Variants in SLC22A3 observed in about 807,000 individuals in gnomAD.
The protein encoded by SLC22A3 is solute carrier family 22 member 3, also known as EMT organic cation transporter 3.
A neutral mutation model predicts 59.1 loss-of-function variants in SLC22A3; 51 were observed. The observed-to-expected ratio is 0.86, with a 90% CI of 0.69 to 1.09. The LOEUF is 1.09. SLC22A3 is among the 50% of genes least tolerant of loss of function. The probability of loss-of-function intolerance (pLI) is 0.00; values close to 1 mark genes in which losing one functional copy is unlikely to be tolerated. For synonymous variants in SLC22A3, 325 were observed against 292.0 expected (o/e 1.11, Z -1.15); for missense variants, 711 against 726.3 (o/e 0.98, Z 0.24).
intron 1 of SLC22A3, among the ~76,000 whole-genome samples, chr6:160,355,704 G>A (rs760718542): frequency 2.0e-5 from 3 of 152,216 alleles, no homozygotes; most frequent in South Asian, 4.1e-4. Flanking sequence ...CCCGGGAGGC[G>A]GAGCTTGCAG....
At chr6:160,378,022 G>A (rs1406495520) in intron 1 of SLC22A3, among the ~76,000 whole-genome samples, 1 of 152,106 alleles carries the variant, frequency 6.6e-6, no homozygotes, top group African/African-American at 2.4e-5. Context: ...CCTGGTGTTT[G>A]TATTTAACAC....
intron 5 of SLC22A3, among the ~76,000 whole-genome samples, chr6:160,417,429 C>T (rs1261034307): frequency 6.6e-6 from 1 of 152,168 alleles, no homozygotes; most frequent in African/African-American, 2.4e-5. Flanking sequence ...AATGTGTCTG[C>T]ATGTACTACA....
At position 160,451,105 on chromosome 6, in the gene SLC22A3, C is replaced by T. The variant is rs1329428110; in HGVS notation, c.*49C>T. 1 of 1,543,792 alleles carries T rather than the reference C, an allele frequency of 6.5e-7. No homozygotes were observed. The highest frequency in any genetic ancestry group is 1.2e-5 in the South Asian group (1 of 84,564). On this transcript the variant is annotated 3_prime_UTR_variant, in exon 11 of 11. Coordinates refer to ENST00000275300, the MANE Select transcript of SLC22A3 (RefSeq NM_021977.4). ...AGGAGCTATCCAGGAGCTGATCCTC[C>T]TTGCAAAGCTGTGCCTTGCAGAGAT...
intron 1 of SLC22A3, among the ~76,000 whole-genome samples, chr6:160,380,931 C>T (rs1308696652): frequency 2.0e-5 from 3 of 152,192 alleles, no homozygotes; most frequent in African/African-American, 7.2e-5. Context: ...AACCAGATAT[C>T]TGCTAAGGCT....
At chr6:160,416,254 A>T (rs1390814815) in intron 5 of SLC22A3, among the ~76,000 whole-genome samples, 2 of 152,174 alleles carry the variant, frequency 1.3e-5, no homozygotes, top group Non-Finnish European at 2.9e-5. Flanking sequence ...TTGTTCACTA[A>T]ATGGAAAAAT....
intron 1 of SLC22A3, among the ~76,000 whole-genome samples, chr6:160,381,859 A>G (rs1329419295): frequency 1.3e-5 from 2 of 152,160 alleles, no homozygotes; most frequent in Non-Finnish European, 2.9e-5. Context: ...TGACAATAAC[A>G]CTTCATTTAG....
At chr6:160,357,470 C>T (rs568080066) in intron 1 of SLC22A3, among the ~76,000 whole-genome samples, 55 of 152,236 alleles carry the variant, frequency 3.6e-4, no homozygotes, top group African/African-American at 1.1e-3. Flanking sequence ...TGGGGAGGGA[C>T]GCCGTAAGCT....
At chr6:160,354,414 AC>A (rs1347055068) in intron 1 of SLC22A3, among the ~76,000 whole-genome samples, 1 of 152,038 alleles carries the variant, frequency 6.6e-6, no homozygotes, top group African/African-American at 2.4e-5. Flanking sequence ...ACACATAAAG[AC>A]CCTTAAGCCA....
chr6:160,437,195 T>C lies in SLC22A3; in HGVS notation c.1272T>C (p.Thr424=). The change falls in exon 7 of 11, where the codon ACT becomes ACC. Residue 424 remains threonine, a synonymous_variant. Transcript: ENST00000275300. ...TGGCAGGGGTGGCATGCCTTGTCAC[T>C]GCGTTCTTACCAGAAGGTAATCTTA... ...NIVAGVACLV[T]AFLPEGIAWL... 1 of 1,614,120 alleles carries C rather than the reference T, an allele frequency of 6.2e-7. No homozygotes were observed. The highest frequency in any genetic ancestry group is 8.5e-7 in the Non-Finnish European group (1 of 1,179,970).
intron 1 of SLC22A3, among the ~76,000 whole-genome samples, chr6:160,384,562 G>A (rs1401670102): frequency 6.6e-6 from 1 of 152,146 alleles, no homozygotes; most frequent in African/African-American, 2.4e-5. Flanking sequence ...GTGTTTCTAA[G>A]CCAGGGGAGC....
chr6:160,401,087 T>C (rs1786763730), intron 2 of SLC22A3, among the ~76,000 whole-genome samples: 1 of 145,550 alleles, frequency 6.9e-6, no homozygotes, highest in South Asian at 2.2e-4. Flanking sequence ...AGATATAATA[T>C]ATGTGTAATA....
chr6:160,372,857 A>G (rs1470637982), intron 1 of SLC22A3, among the ~76,000 whole-genome samples: 2 of 152,062 alleles, frequency 1.3e-5, no homozygotes, highest in Non-Finnish European at 1.5e-5. Flanking sequence ...CAGGTCATTT[A>G]TGTTCTTCTC....
intron 1 of SLC22A3, among the ~76,000 whole-genome samples, chr6:160,376,302 T>C (rs879355238): frequency 7.1e-6 from 1 of 141,466 alleles, no homozygotes; most frequent in Non-Finnish European, 1.5e-5. Flanking sequence ...TGAGAACACA[T>C]GGACTCAGGC....
intron 5 of SLC22A3, among the ~76,000 whole-genome samples, chr6:160,422,167 G>C (rs557148421): frequency 3.3e-5 from 5 of 152,320 alleles, no homozygotes; most frequent in African/African-American, 1.2e-4. Flanking sequence ...CCTAAGAAGA[G>C]AGATGTGGCT....
chr6:160,421,304 T>C (rs569968341), intron 5 of SLC22A3, among the ~76,000 whole-genome samples: 1 of 152,314 alleles, frequency 6.6e-6, no homozygotes, highest in East Asian at 1.9e-4. Context: ...CCAAAGCCCT[T>C]TCCTTTCTCA....
chr6:160,373,529 A>C (rs1201293569), intron 1 of SLC22A3, among the ~76,000 whole-genome samples: 2 of 152,154 alleles, frequency 1.3e-5, no homozygotes, highest in African/African-American at 4.8e-5. Context: ...GCAGAACTTG[A>C]GTGCTGTGCT....
intron 5 of SLC22A3, chr6:160,426,374 ACT>A: frequency 1.0e-6 from 1 of 984,014 alleles, no homozygotes; most frequent in African/African-American, 1.8e-5. Flanking sequence ...GTTACTTAAG[ACT>A]CTGTGCATGG....
intron 2 of SLC22A3, among the ~76,000 whole-genome samples, chr6:160,400,921 T>C (rs1583479125): frequency 6.8e-6 from 1 of 146,526 alleles, no homozygotes; most frequent in South Asian, 2.1e-4. Context: ...TATTAGGAGA[T>C]TGGGCATAGC....
At chr6:160,442,923 T>A in intron 8 of SLC22A3, 54 bp downstream of exon 8, 1 of 1,353,482 alleles carries the variant, frequency 7.4e-7, no homozygotes, top group Non-Finnish European at 1.1e-6. Flanking sequence ...GACCAGCGTT[T>A]TAAGTTGATT....
Sources: gnomAD v4.1 joint callset for allele counts (sites outside exome capture counted in the v4.1 genomes callset) on GRCh38, gnomAD v4.1.1 for gene constraint, MANE v1.5 for transcripts, NCBI Gene and HGNC (gene_info 2026-07-23, HGNC 2026-07-21) for gene names.